The following CRB3 variants were observed in gnomAD, a reference collection of about 807,000 sequenced individuals.
CRB3 encodes protein crumbs homolog 3.
A neutral mutation model predicts 10.4 loss-of-function variants in CRB3; 4 were observed. That is an observed-to-expected ratio of 0.39 (90% CI 0.19 to 0.88). CRB3 has a LOEUF of 0.88. CRB3 is among the 40% of genes least tolerant of loss of function. The probability of loss-of-function intolerance (pLI) is 0.39; values close to 1 mark genes in which losing one functional copy is unlikely to be tolerated. For synonymous variants in CRB3, 74 were observed against 73.4 expected, an observed-to-expected ratio of 1.01 and a Z score of -0.04; for missense variants, 154 against 160.2, an observed-to-expected ratio of 0.96 and a Z score of 0.21.
rs1248249870 is a variant in CRB3, at chr19:6,464,602, C to A, written c.-94-6C>A. The A allele has an allele frequency of 3.5e-5, 24 of 679,796 alleles. No individual in the cohort carries two copies. The highest frequency in any genetic ancestry group is 5.0e-5 in the Non-Finnish European group (24 of 484,356). The allele number at this position is 679,796 out of a possible 1,614,324, so 42.1% of individuals were successfully genotyped here. On this transcript the variant is annotated splice_region_variant and splice_polypyrimidine_tract_variant and intron_variant, in intron 1 of 3. Transcript: ENST00000600229. This position sits in a 1 kb window ranked among gnomAD's most constrained non-coding sequence, Gnocchi z 5.3. Reference sequence around the variant, plus strand: ...ACGCCTGGGCCTCTCCTTCTCCTGTCCCCAGGTGCCCCGTCGCAGGTGCCC... The same window carrying A: ...ACGCCTGGGCCTCTCCTTCTCCTGTACCCAGGTGCCCCGTCGCAGGTGCCC...
At position 6,466,548 on chromosome 19, in the gene CRB3, T is replaced by C; in HGVS notation, c.239T>C (p.Val80Ala). The C allele has an allele frequency of 1.2e-6, 2 of 1,612,958 alleles. No homozygotes were observed. The highest frequency in any genetic ancestry group is 1.7e-6 in the Non-Finnish European group (2 of 1,179,992). ...CTGGCTGTGGGGCTGGCACTGTTGGTGCGGAAGCTTCGGGAGAAGCGGCAG... is the reference window on the plus strand; with the variant it reads ...CTGGCTGTGGGGCTGGCACTGTTGGCGCGGAAGCTTCGGGAGAAGCGGCAG... The part of the protein sequence containing the change: ...LLLAVGLALL[V>A]RKLREKRQTE... Residue 80 changes from valine (V) to alanine (A), a missense_variant, in exon 4 of 4, where the codon GTG (valine) becomes GCG (alanine). Coordinates refer to ENST00000600229, the MANE Select transcript of CRB3 (RefSeq NM_139161.5). The surrounding 1 kb of genome is among the most constrained non-coding windows in gnomAD (Gnocchi z 4.9).
At position 6,464,741 on chromosome 19, in the gene CRB3, C is replaced by G; in HGVS notation, c.40C>G (p.Leu14Val). 7.9e-7 allele frequency: 1 copy of G among 1,262,256 alleles called. No individual in the cohort carries two copies. Among genetic ancestry groups the G allele is most frequent in the East Asian group, 2.9e-5 (1 of 33,982 alleles). 78.2% of individuals were successfully genotyped at this position (1,262,256 alleles called of 1,614,324 possible). ...PGLGLLLALG[L>V]PFLLARWGRA... Reference sequence around the variant, plus strand: ...GCTGGGGCTGCTTCTGGCGCTGGGCCTGCCGTTCCTGCTGGCCCGCTGGGG... The same window carrying G: ...GCTGGGGCTGCTTCTGGCGCTGGGCGTGCCGTTCCTGCTGGCCCGCTGGGG... Residue 14 changes from leucine (L) to valine (V), a missense_variant, in exon 2 of 4, where the codon CTG becomes GTG. Leu to Val is a conservative substitution (Grantham distance 32). Transcript: ENST00000600229. This position sits in a 1 kb window ranked among gnomAD's most constrained non-coding sequence, Gnocchi z 5.3.
At position 6,465,703 on chromosome 19, in the gene CRB3, C is replaced by T. The variant is rs146772790; in HGVS notation, c.156+85C>T. 3.5e-4 allele frequency: 408 copies of T among 1,176,896 alleles called. 1 individual carries two copies. In the African/African-American group the frequency reaches 5.5e-3, roughly 16 times the overall value. The allele number at this position is 1,176,896 out of a possible 1,614,324, so 72.9% of individuals were successfully genotyped here. ...ATAGCATGTAGAGAGGACTAGACAC[C>T]CCCTCCCCCCAGAGGTGGCAGGTCA... On this transcript the variant is annotated intron_variant, in intron 3 of 3. Transcript: ENST00000600229.
intron 2 of CRB3, chr19:6,465,273 C>A: frequency 2.1e-6 from 1 of 476,076 alleles, no homozygotes; most frequent in Non-Finnish European, 3.8e-6. Flanking sequence ...CCTTAAGGGC[C>A]CAGGGCCGAG....
Position 6,464,822 on chromosome 19 carries a change from G to T in CRB3, c.82+39G>T. ...GAGAGCGCTGGGGGGGAGGGGTCTG[G>T]ATTCCTGGATCTCTGCTGGGGACGT... On this transcript the variant is annotated intron_variant, in intron 2 of 3. Transcript: ENST00000600229. This position sits in a 1 kb window ranked among gnomAD's most constrained non-coding sequence, Gnocchi z 5.3. 8.6e-7 allele frequency: 1 copy of T among 1,166,966 alleles called. No individual in the cohort carries two copies. Among genetic ancestry groups the T allele is most frequent in the Non-Finnish European group, 1.1e-6 (1 of 923,568 alleles). 72.3% of individuals were successfully genotyped at this position (1,166,966 alleles called of 1,614,324 possible). A position where few individuals can be genotyped will look rare whatever the true frequency, so the allele number is the denominator to read the frequency against.
At position 6,465,627 on chromosome 19, in the gene CRB3, G is replaced by A. The variant is rs762206670; in HGVS notation, c.156+9G>A. 28 of 1,609,898 alleles carry A rather than the reference G, an allele frequency of 1.7e-5. No homozygotes were observed. The South Asian group carries it at 3.1e-4, about 18-fold the overall frequency. On this transcript the variant is annotated intron_variant, in intron 3 of 3. Coordinates refer to ENST00000600229, the MANE Select transcript of CRB3 (RefSeq NM_139161.5). ...GCTCCGATGGCAACCTGGTGAGTTG[G>A]AGGTATATGTGGGAAGATGGCAGCA... is the stretch of plus-strand genomic sequence containing the variant.
chr19:6,464,577 A>G lies in CRB3; in HGVS notation c.-94-31A>G, dbSNP rs2092785607. The G allele has an allele frequency of 1.8e-6, 1 of 545,024 alleles. No individual in the cohort carries two copies. Among genetic ancestry groups the G allele is most frequent in the East Asian group, 3.5e-5 (1 of 28,574 alleles). The allele number at this position is 545,024 out of a possible 1,614,324, so 33.8% of individuals were successfully genotyped here. The stretch of plus-strand genomic sequence containing the variant: ...CGCCGGGGTCCCCACCCCGATCCCA[A>G]CGCCTGGGCCTCTCCTTCTCCTGTC... On this transcript the variant is annotated intron_variant, in intron 1 of 3. Transcript: ENST00000600229. This position sits in a 1 kb window ranked among gnomAD's most constrained non-coding sequence, Gnocchi z 5.3.
rs1321725131 is a variant in CRB3 at position 6,466,667 on chromosome 19, A to C, written c.358A>C (p.Ile120Leu). 2.5e-6 allele frequency: 4 copies of C among 1,599,648 alleles called. No individual in the cohort carries two copies. The Admixed American group carries it at 5.0e-5, about 20-fold the overall frequency. The change falls in exon 4 of 4, where the codon ATC (isoleucine) becomes CTC (leucine). Residue 120 changes from isoleucine to leucine, a missense_variant. By Grantham distance (5) the Ile-to-Leu change is conservative. Coordinates refer to ENST00000600229, the MANE Select transcript of CRB3 (RefSeq NM_139161.5). The surrounding 1 kb of genome is among the most constrained non-coding windows in gnomAD (Gnocchi z 4.9). ...CAAGTTGCCGCCGGAAGAGCGGCTCATCTGAACGCTGGGGCCTGCTGCAGC... is the reference window on the plus strand; with the variant it reads ...CAAGTTGCCGCCGGAAGAGCGGCTCCTCTGAACGCTGGGGCCTGCTGCAGC... ...NLKLPPEERL[I>L]
rs767582107 is a variant in CRB3 at position 6,466,496 on chromosome 19, G to T, written c.187G>T (p.Val63Phe). Residue 63 changes from valine (V) to phenylalanine (F), a missense_variant, in exon 4 of 4, where the codon GTC becomes TTC. Physicochemically the swap from Val to Phe is conservative, Grantham distance 50 (BLOSUM62 -1). Transcript: ENST00000600229. The surrounding 1 kb of genome is among the most constrained non-coding windows in gnomAD (Gnocchi z 4.9). Reference sequence around the variant, plus strand: ...AGAAGCCATCACTGCTATCATCGTGGTCTTCTCCCTCTTGGCTGCCTTGCT... The same window carrying T: ...AGAAGCCATCACTGCTATCATCGTGTTCTTCTCCCTCTTGGCTGCCTTGCT... ...RPEAITAIIV[V>F]FSLLAALLLA... is the part of the protein sequence containing the mutation. The T allele has an allele frequency of 1.2e-6, 2 of 1,613,658 alleles. No homozygotes were observed. The highest frequency in any genetic ancestry group is 3.3e-5 in the Admixed American group (2 of 59,994).
chr19:6,466,010 C>A lies in CRB3; in HGVS notation c.156+392C>A, dbSNP rs1406198035. 2.6e-5 allele frequency among the ~76,000 whole-genome samples: 4 copies of A among 152,070 alleles called. No homozygotes were observed. Among genetic ancestry groups the A allele is most frequent in the Admixed American group, 2.0e-4 (3 of 15,254 alleles). On this transcript the variant is annotated intron_variant, in intron 3 of 3. Transcript: ENST00000600229. This position sits in a 1 kb window ranked among gnomAD's most constrained non-coding sequence, Gnocchi z 4.9. Reference sequence around the variant, plus strand: ...GGTCAGGAGTTTGAAACCAGCACGGCCAACATGGTGAAACCCTGTCTCTAC... The same window carrying A: ...GGTCAGGAGTTTGAAACCAGCACGGACAACATGGTGAAACCCTGTCTCTAC...
rs374870079 is a variant in CRB3 at position 6,465,542 on chromosome 19, C to T, written c.83-3C>T. On this transcript the variant is annotated splice_region_variant and splice_polypyrimidine_tract_variant and intron_variant, in intron 2 of 3. Coordinates refer to ENST00000600229, the MANE Select transcript of CRB3 (RefSeq NM_139161.5). Reference sequence around the variant, plus strand: ...AGTTATTCTCTGCCTTCACCCTCCACAGTACAGACCACTTCTGCAAATGAG... The same window carrying T: ...AGTTATTCTCTGCCTTCACCCTCCATAGTACAGACCACTTCTGCAAATGAG... The T allele has an allele frequency of 1.9e-6, 3 of 1,613,402 alleles. No homozygotes were observed. The highest frequency in any genetic ancestry group is 3.3e-5 in the Admixed American group (2 of 60,020).
At chr19:6,465,413 C>G (rs888418143) in intron 2 of CRB3, 132 bp from the exon 3 acceptor site, 3 of 777,122 alleles carry the variant, frequency 3.9e-6, no homozygotes, top group Middle Eastern at 2.8e-4. Flanking sequence ...CATCTCTGTG[C>G]GAATGAAAGG....
In CRB3 at chr19:6,466,729, T is replaced by G; in HGVS notation, c.*57T>G. 3.2e-6 allele frequency: 5 copies of G among 1,565,626 alleles called. No homozygotes were observed. Among genetic ancestry groups the G allele is most frequent in the Non-Finnish European group, 4.3e-6 (5 of 1,162,732 alleles). On this transcript the variant is annotated 3_prime_UTR_variant, in exon 4 of 4. Coordinates refer to ENST00000600229, the MANE Select transcript of CRB3 (RefSeq NM_139161.5). The surrounding 1 kb of genome is among the most constrained non-coding windows in gnomAD (Gnocchi z 4.9). ...CCCAGGACTGCGGGTTGCTGGCTTGTACACCGCAGCTGCCACCGAGACACC... is the reference window on the plus strand; with the variant it reads ...CCCAGGACTGCGGGTTGCTGGCTTGGACACCGCAGCTGCCACCGAGACACC...
At position 6,464,958 on chromosome 19, in the gene CRB3, T is replaced by A. The variant is rs1320642667; in HGVS notation, c.82+175T>A. ...GGTTAGGGCTCGGGGGGATTAAGAT[T>A]TCTAGTTTCTTCCTTGGACACTGGG... On this transcript the variant is annotated intron_variant, in intron 2 of 3. Transcript: ENST00000600229. This position sits in a 1 kb window ranked among gnomAD's most constrained non-coding sequence, Gnocchi z 5.3. 1.0e-5 allele frequency: 4 copies of A among 397,328 alleles called. No individual in the cohort carries two copies. The highest frequency in any genetic ancestry group is 1.3e-5 in the Non-Finnish European group (3 of 227,296). 24.6% of individuals were successfully genotyped at this position (397,328 alleles called of 1,614,324 possible). A position where few individuals can be genotyped will look rare whatever the true frequency, so the allele number is the denominator to read the frequency against.
rs1358688639 is a variant in CRB3, at chr19:6,466,689, C to T, written c.*17C>T. ...CTCATCTGAACGCTGGGGCCTGCTG[C>T]AGCCACCAACACTGCCCAGGACTGC... On this transcript the variant is annotated 3_prime_UTR_variant, in exon 4 of 4. Coordinates refer to ENST00000600229, the MANE Select transcript of CRB3 (RefSeq NM_139161.5). This position sits in a 1 kb window ranked among gnomAD's most constrained non-coding sequence, Gnocchi z 4.9. 2.5e-6 allele frequency: 4 copies of T among 1,595,150 alleles called. No homozygotes were observed. Among genetic ancestry groups the T allele is most frequent in the Non-Finnish European group, 1.7e-6 (2 of 1,178,066 alleles).
In CRB3 at chr19:6,466,658, G is replaced by C; in HGVS notation, c.349G>C (p.Glu117Gln). ...CCCCAACCTCAAGTTGCCGCCGGAA[G>C]AGCGGCTCATCTGAACGCTGGGGCC... The part of the protein sequence containing the change: ...PTPNLKLPPE[E>Q]RLI Residue 117 changes from glutamate (E) to glutamine (Q), a missense_variant, in exon 4 of 4, where the codon GAG becomes CAG. Coordinates refer to ENST00000600229, the MANE Select transcript of CRB3 (RefSeq NM_139161.5). The surrounding 1 kb of genome is among the most constrained non-coding windows in gnomAD (Gnocchi z 4.9). 1 of 1,600,954 alleles carries C rather than the reference G, an allele frequency of 6.2e-7. No individual in the cohort carries two copies. The highest frequency in any genetic ancestry group is 8.5e-7 in the Non-Finnish European group (1 of 1,179,724).
At chr19:6,465,707 T>G in intron 3 of CRB3, 89 bp downstream of exon 3, 1 of 1,147,504 alleles carries the variant, frequency 8.7e-7, no homozygotes, top group Non-Finnish European at 1.3e-6. Flanking sequence ...AGACACCCCC[T>G]CCCCCCAGAG....
chr19:6,464,425 G>GTCCCC lies in CRB3; in HGVS notation c.-95+77_-95+81dup. On this transcript the variant is annotated intron_variant, in intron 1 of 3. Transcript: ENST00000600229. The surrounding 1 kb of genome is among the most constrained non-coding windows in gnomAD (Gnocchi z 5.3). Reference sequence around the variant, plus strand: ...TGCCCGTCCCGTCCCGTCCCGTCCCGTCCCCTTCCTTTCCCCAGCCCAGGA... The same window carrying GTCCCC: ...TGCCCGTCCCGTCCCGTCCCGTCCCGTCCCCTCCCCTTCCTTTCCCCAGCCCAGGA... 5.9e-6 allele frequency: 2 copies of GTCCCC among 338,292 alleles called. No individual in the cohort carries two copies. Among genetic ancestry groups the GTCCCC allele is most frequent in the Admixed American group, 4.8e-5 (1 of 20,698 alleles). 21.0% of individuals were successfully genotyped at this position (338,292 alleles called of 1,614,324 possible). A position where few individuals can be genotyped will look rare whatever the true frequency, so the allele number is the denominator to read the frequency against.
chr19:6,465,347 G>C (rs2092789258), intron 2 of CRB3, 198 bp from the exon 3 acceptor site: 1 of 649,414 alleles, frequency 1.5e-6, no homozygotes. Context: ...TGGGTCGGGG[G>C]GGTGTCCTGG....
Sources: gnomAD v4.1 joint callset for allele counts (sites outside exome capture counted in the v4.1 genomes callset) on GRCh38, gnomAD v4.1.1 for gene constraint, Gnocchi (gnomAD v3.1) non-coding constraint, MANE v1.5 for transcripts, NCBI Gene and HGNC (gene_info 2026-07-23, HGNC 2026-07-21) for gene names.